SMAP2: variants seen among roughly 807,000 people sequenced by gnomAD.
The protein encoded by SMAP2 is small ArfGAP2.
A neutral mutation model predicts 56.4 loss-of-function variants in SMAP2; 25 were observed. That is an observed-to-expected ratio of 0.44 (90% confidence interval 0.32 to 0.62). SMAP2 has a LOEUF of 0.62. SMAP2 is among the 20% of genes least tolerant of loss of function. SMAP2 has a pLI of 0.04. For missense variants in SMAP2, 388 were observed against 545.6 expected, an observed-to-expected ratio of 0.71 and a Z score of 2.88; for synonymous variants, 157 against 181.7, an observed-to-expected ratio of 0.86 and a Z score of 1.09.
At chr1:40,402,908 G>C (rs1644849653) in intron 1 of SMAP2, among the ~76,000 whole-genome samples, 1 of 152,108 alleles carries the variant, frequency 6.6e-6, no homozygotes, top group Non-Finnish European at 1.5e-5. Context: ...GCAATACCAG[G>C]TACTGTGGAA....
chr1:40,408,569 T>A lies in SMAP2; in HGVS notation c.238-84T>A. 4.3e-6 allele frequency: 5 copies of A among 1,154,648 alleles called. No individual in the cohort carries two copies. In the South Asian group the frequency reaches 6.5e-5, roughly 15 times the overall value. 71.5% of individuals were successfully genotyped at this position (1,154,648 alleles called of 1,614,324 possible). ...ACACTCTCTAGGTTGGTTCTTCAATTGTACAGTAGTGGAATTGGGTGAGAA... is the reference window on the plus strand; with the variant it reads ...ACACTCTCTAGGTTGGTTCTTCAATAGTACAGTAGTGGAATTGGGTGAGAA... On this transcript the variant is annotated intron_variant, in intron 2 of 9. Transcript: ENST00000372718. This position sits in a 1 kb window ranked among gnomAD's most constrained non-coding sequence, Gnocchi z 4.3.
intron 1 of SMAP2, among the ~76,000 whole-genome samples, chr1:40,398,099 A>G (rs1486508610): frequency 3.3e-5 from 5 of 152,202 alleles, no homozygotes; most frequent in Non-Finnish European, 7.3e-5. Flanking sequence ...AATTAATAGA[A>G]AGCTCATTGC....
rs771755990 is a variant in SMAP2 at position 40,414,199 on chromosome 1, C to T, written c.530C>T (p.Ser177Phe). 1.4e-5 allele frequency: 23 copies of T among 1,614,102 alleles called. No homozygotes were observed. Among genetic ancestry groups the T allele is most frequent in the Non-Finnish European group, 1.9e-5 (23 of 1,180,042 alleles). The change falls in exon 6 of 10, where the codon TCC becomes TTC. Residue 177 changes from serine to phenylalanine, a missense_variant. Coordinates refer to ENST00000372718, the MANE Select transcript of SMAP2 (RefSeq NM_022733.3). ...GACCCACAGCTACCTCGGAAAAGCT[C>T]CCCGAAATCCACAGCGCCTGTCATG... ...KEDPQLPRKS[S>F]PKSTAPVMDL... is the part of the protein sequence containing the mutation.
At chr1:40,394,937 T>G (rs1644755529) in intron 1 of SMAP2, among the ~76,000 whole-genome samples, 1 of 152,298 alleles carries the variant, frequency 6.6e-6, no homozygotes, top group South Asian at 2.1e-4. Context: ...GTGGGTAGTA[T>G]TCACTCTCTC....
chr1:40,388,859 C>A (rs1028599369), intron 1 of SMAP2, among the ~76,000 whole-genome samples: 2 of 152,292 alleles, frequency 1.3e-5, no homozygotes, highest in Non-Finnish European at 2.9e-5. Context: ...ACACTCACCG[C>A]GAAGGTCTGC....
chr1:40,364,406 T>G (rs945276710), intron 2 of SMAP2, among the ~76,000 whole-genome samples: 4 of 152,008 alleles, frequency 2.6e-5, no homozygotes, highest in African/African-American at 9.7e-5. Flanking sequence ...CTGGGCAACA[T>G]AGCCAGATCC....
Position 40,374,933 on chromosome 1 carries a change from T to C in SMAP2, c.103+710T>C. The C allele has an allele frequency of 1.0e-6, 1 of 985,428 alleles. No homozygotes were observed. Among genetic ancestry groups the C allele is most frequent in the Non-Finnish European group, 1.2e-6 (1 of 829,930 alleles). 61.0% of individuals were successfully genotyped at this position (985,428 alleles called of 1,614,324 possible). On this transcript the variant is annotated intron_variant, in intron 1 of 9. Coordinates refer to ENST00000372718, the MANE Select transcript of SMAP2 (RefSeq NM_022733.3). This position sits in a 1 kb window ranked among gnomAD's most constrained non-coding sequence, Gnocchi z 5.9. ...GTGGCAGAAACTAGCCGATTATGCC[T>C]GTAGTGCAGGATCCGTTTAATCAGT...
intron 1 of SMAP2, among the ~76,000 whole-genome samples, chr1:40,389,194 T>C (rs1212234120): frequency 6.6e-6 from 1 of 152,202 alleles, no homozygotes; most frequent in East Asian, 1.9e-4. Context: ...CCTTGCGCCA[T>C]TGACTAGCAT....
intron 9 of SMAP2, among the ~76,000 whole-genome samples, chr1:40,420,170 C>G (rs2124384570): frequency 6.6e-6 from 1 of 152,250 alleles, no homozygotes; most frequent in East Asian, 1.9e-4. Flanking sequence ...ATTGGTGCTA[C>G]ATTTTTCCGT....
Position 40,420,991 on chromosome 1 carries a change from T to C in SMAP2, c.1165-985T>C, listed in dbSNP as rs145206954. ...GTGGTTCTGTTAAAGTGTTCATTCT[T>C]ATGAGGTGCCTCCTGACTTAGGAAT... is the stretch of plus-strand genomic sequence containing the variant. On this transcript the variant is annotated intron_variant, in intron 9 of 9. Transcript: ENST00000372718. 7.8e-3 allele frequency among the ~76,000 whole-genome samples: 1,182 copies of C among 152,232 alleles called. 12 individuals carry two copies. The highest frequency in any genetic ancestry group is 0.014 in the South Asian group (66 of 4,820).
At chr1:40,382,793 T>C (rs556356293) in intron 1 of SMAP2, among the ~76,000 whole-genome samples, 75 of 152,344 alleles carry the variant, frequency 4.9e-4, no homozygotes, top group African/African-American at 1.7e-3. Context: ...CTATGCCTGT[T>C]TTGTTCACTG....
At chr1:40,393,835 G>A (rs1045522728) in intron 1 of SMAP2, among the ~76,000 whole-genome samples, 2 of 152,072 alleles carry the variant, frequency 1.3e-5, no homozygotes, top group Non-Finnish European at 2.9e-5. Context: ...GTGAGGCACC[G>A]CGCCCGGCCA....
intron 1 of SMAP2, among the ~76,000 whole-genome samples, chr1:40,381,400 T>A (rs558462866): frequency 6.6e-6 from 1 of 152,304 alleles, no homozygotes; most frequent in South Asian, 2.1e-4. Context: ...GGCAAAGAAG[T>A]CTTCCTCGGG....
At chr1:40,383,419 C>T (rs979613989) in intron 1 of SMAP2, among the ~76,000 whole-genome samples, 3 of 152,078 alleles carry the variant, frequency 2.0e-5, no homozygotes, top group Non-Finnish European at 4.4e-5. Context: ...TGTGATCAAG[C>T]GGAGCAAGGG....
At chr1:40,400,101 T>C (rs1644817147) in intron 1 of SMAP2, among the ~76,000 whole-genome samples, 1 of 152,112 alleles carries the variant, frequency 6.6e-6, no homozygotes, top group South Asian at 2.1e-4. Flanking sequence ...TGTATAGGAG[T>C]TGGCCAGGCT....
intron 3 of SMAP2, among the ~76,000 whole-genome samples, chr1:40,409,536 G>A (rs1352372275): frequency 3.3e-5 from 5 of 152,198 alleles, no homozygotes; most frequent in Non-Finnish European, 7.3e-5. Flanking sequence ...CTATCATCAC[G>A]CTGAAGGGAA....
In SMAP2 at chr1:40,363,516, C is replaced by T. The variant is rs380834; in HGVS notation, c.55+1080C>T. ...TGATTTAAAACTTAAAAAAAAAAAT[C>T]TAATATCTAGGAAGGCAGAGCAAGA... On this transcript the variant is annotated intron_variant, in intron 2 of 6. Coordinates refer to the SMAP2 transcript ENST00000435168. 3.9e-5 allele frequency among the ~76,000 whole-genome samples: 6 copies of T among 152,018 alleles called. No individual in the cohort carries two copies. In the East Asian group the frequency reaches 9.7e-4, roughly 25 times the overall value.
intron 1 of SMAP2, among the ~76,000 whole-genome samples, chr1:40,389,579 T>G (rs1644695602): frequency 6.6e-6 from 1 of 152,226 alleles, no homozygotes; most frequent in Non-Finnish European, 1.5e-5. Context: ...AATTGCTTCT[T>G]TGTGCCATTT....
intron 1 of SMAP2, among the ~76,000 whole-genome samples, chr1:40,347,682 T>A (rs1380198388): frequency 1.3e-5 from 2 of 152,208 alleles, no homozygotes; most frequent in Non-Finnish European, 1.5e-5. Context: ...TTCAGATAAT[T>A]CTTTGTTCAT....
Sources: allele counts gnomAD v4.1 joint callset (sites outside exome capture counted in the v4.1 genomes callset), GRCh38; gene constraint gnomAD v4.1.1; non-coding constraint Gnocchi (gnomAD v3.1); transcripts MANE v1.5; gene names NCBI Gene and HGNC (gene_info 2026-07-23, HGNC 2026-07-21).